Variants in C10orf90 observed in about 807,000 individuals in gnomAD.
The protein encoded by C10orf90 is (E2-independent) E3 ubiquitin-conjugating enzyme FATS.
In C10orf90, 56 loss-of-function variants were observed where a neutral mutation model predicts 62.5. The ratio of observed to expected loss-of-function variants is 0.90; its 90% CI spans 0.72 to 1.12. The LOEUF (loss-of-function observed/expected upper bound fraction) is 1.12. Ranked by LOEUF, C10orf90 falls within the 50% of genes most tolerant of loss-of-function variation. C10orf90 has a pLI of 0.00. For synonymous variants in C10orf90, 386 were observed against 340.4 expected (o/e 1.13, Z -1.47); for missense variants, 970 against 880.4 (o/e 1.10, Z -1.29).
intron 7 of C10orf90, among the ~76,000 whole-genome samples, chr10:126,433,662 A>G (rs1425935291): frequency 6.6e-6 from 1 of 152,156 alleles, no homozygotes; most frequent in Non-Finnish European, 1.5e-5. Context: ...CATGACCCAC[A>G]GGGATTTCAC....
In C10orf90 at chr10:126,510,630, T is replaced by C. The variant is rs1466208610; in HGVS notation, c.405+3218A>G. Among the ~76,000 whole-genome samples, 5 of 152,194 alleles carry C rather than the reference T, an allele frequency of 3.3e-5. No homozygotes were observed. In the East Asian group the frequency reaches 9.7e-4, roughly 29 times the overall value. ...GTCTTGCTTTGGTGAACCATCCATTTCCTGACCAGCACCACATAACACATT... is the reference window on the plus strand; with the variant it reads ...GTCTTGCTTTGGTGAACCATCCATTCCCTGACCAGCACCACATAACACATT... On this transcript the variant is annotated intron_variant, in intron 3 of 9. Coordinates refer to ENST00000488181, the MANE Select transcript of C10orf90 (RefSeq NM_001350921.2).
At chr10:126,540,539 G>A (rs566692955) in intron 2 of C10orf90, among the ~76,000 whole-genome samples, 34 of 152,110 alleles carry the variant, frequency 2.2e-4, no homozygotes, top group Middle Eastern at 3.4e-3. Flanking sequence ...CGTGCCTACC[G>A]TCCCAGCTAC....
chr10:126,568,981 G>A (rs950831589), intron 2 of C10orf90, among the ~76,000 whole-genome samples: 1 of 152,166 alleles, frequency 6.6e-6, no homozygotes, highest in Non-Finnish European at 1.5e-5. Flanking sequence ...GAGGAAGATG[G>A]GCACCAGAGC....
chr10:126,610,826 A>G (rs1845416522), intron 2 of C10orf90, among the ~76,000 whole-genome samples: 1 of 152,174 alleles, frequency 6.6e-6, no homozygotes, highest in South Asian at 2.1e-4. Flanking sequence ...GTTAGCAGAG[A>G]GGAGAGCTCA....
intron 2 of C10orf90, among the ~76,000 whole-genome samples, chr10:126,532,570 G>C (rs966343189): frequency 1.3e-5 from 2 of 151,884 alleles, no homozygotes; most frequent in African/African-American, 4.8e-5. Context: ...GGGCGCGGTG[G>C]CTCACGCCTA....
At chr10:126,601,922 G>A (rs938455876) in intron 2 of C10orf90, among the ~76,000 whole-genome samples, 1 of 152,204 alleles carries the variant, frequency 6.6e-6, no homozygotes, top group Non-Finnish European at 1.5e-5. Context: ...CCTCGCTCTC[G>A]TTTATAGCTA....
chr10:126,564,987 A>ATTATATATAATATATAC (rs1844292405), intron 2 of C10orf90, among the ~76,000 whole-genome samples: 1 of 13,614 alleles, frequency 7.3e-5, no homozygotes, highest in African/African-American at 2.4e-4. Flanking sequence ...ATAAAATATA[A>ATTATATATAATATATAC]AATATATATT....
intron 5 of C10orf90, 75 bp from the exon 6 acceptor site, chr10:126,461,660 A>C: frequency 7.1e-7 from 1 of 1,402,208 alleles, no homozygotes; most frequent in Non-Finnish European, 9.7e-7. Context: ...ACCATTAGAC[A>C]CAGAAGACAA....
chr10:126,606,875 A>C (rs1591138578), intron 2 of C10orf90, among the ~76,000 whole-genome samples: 1 of 152,334 alleles, frequency 6.6e-6, no homozygotes, highest in South Asian at 2.1e-4. Flanking sequence ...GATGATCCTC[A>C]TGACATCAGA....
chr10:126,656,193 T>C (rs1439086025), intron 1 of C10orf90, among the ~76,000 whole-genome samples: 1 of 152,166 alleles, frequency 6.6e-6, no homozygotes, highest in Non-Finnish European at 1.5e-5. Flanking sequence ...GTAATCTCCA[T>C]GGCAACTCCC....
intron 2 of C10orf90, among the ~76,000 whole-genome samples, chr10:126,584,729 T>G (rs1044680236): frequency 6.6e-6 from 1 of 152,120 alleles, no homozygotes; most frequent in Non-Finnish European, 1.5e-5. Flanking sequence ...TTCTGGAACT[T>G]GGAGGTTGGG....
intron 2 of C10orf90, among the ~76,000 whole-genome samples, chr10:126,545,466 A>AG (rs1205097037): frequency 6.6e-6 from 1 of 151,022 alleles, no homozygotes; most frequent in Non-Finnish European, 1.5e-5. Flanking sequence ...CACTGATTTA[A>AG]AAAAAAAACC....
chr10:126,630,277 C>T (rs1477277415), intron 2 of C10orf90, among the ~76,000 whole-genome samples: 1 of 152,162 alleles, frequency 6.6e-6, no homozygotes, highest in Non-Finnish European at 1.5e-5. Flanking sequence ...CCTGTCTGGA[C>T]CCCCACTCTG....
intron 2 of C10orf90, among the ~76,000 whole-genome samples, chr10:126,609,950 G>A (rs911239968): frequency 5.9e-5 from 9 of 152,264 alleles, no homozygotes; most frequent in South Asian, 4.1e-4. Flanking sequence ...TATTAAGGCC[G>A]CTCACATTGG....
At position 126,576,719 on chromosome 10, in the gene C10orf90, G is replaced by GATATACATATATATGTATATGTAT. The variant is rs1326336720; in HGVS notation, c.314-62804_314-62781dup. ...TATATGTATATGTATATATATACAA[G>GATATACATATATATGTATATGTAT]ATATACATATATATGTATATGTATA... On this transcript the variant is annotated intron_variant, in intron 2 of 9. Coordinates refer to ENST00000488181, the MANE Select transcript of C10orf90 (RefSeq NM_001350921.2). Among the ~76,000 whole-genome samples, 126 of 39,888 alleles carry GATATACATATATATGTATATGTAT rather than the reference G, an allele frequency of 3.2e-3. 12 individuals carry two copies. The highest frequency in any genetic ancestry group is 0.012 in the African/African-American group (106 of 8,506). The allele number at this position is 39,888 out of a possible 152,430, so 26.2% of individuals were successfully genotyped here. A position where few individuals can be genotyped will look rare whatever the true frequency, so the allele number is the denominator to read the frequency against.
At chr10:126,457,284 C>T (rs1025944962) in intron 7 of C10orf90, among the ~76,000 whole-genome samples, 5 of 152,226 alleles carry the variant, frequency 3.3e-5, no homozygotes, top group Non-Finnish European at 5.9e-5. Context: ...CCACTGGGCC[C>T]TGCCAGTTCC....
chr10:126,444,602 C>T (rs879619586), intron 7 of C10orf90, among the ~76,000 whole-genome samples: 1 of 152,028 alleles, frequency 6.6e-6, no homozygotes, highest in Non-Finnish European at 1.5e-5. Flanking sequence ...CTGCCAAAAG[C>T]AATCTACAAA....
intron 1 of C10orf90, among the ~76,000 whole-genome samples, chr10:126,658,758 A>G (rs1019816656): frequency 6.6e-6 from 1 of 151,882 alleles, no homozygotes; most frequent in African/African-American, 2.4e-5. Context: ...ATTTTCATGG[A>G]TTGATTGATT....
intron 2 of C10orf90, among the ~76,000 whole-genome samples, chr10:126,537,519 G>A (rs368331840): frequency 1.3e-5 from 2 of 152,132 alleles, no homozygotes; most frequent in Non-Finnish European, 2.9e-5. Flanking sequence ...TCTCTTTCCC[G>A]CTTGGGCCTT....
Sources: gnomAD v4.1 joint callset for allele counts (sites outside exome capture counted in the v4.1 genomes callset) on GRCh38, gnomAD v4.1.1 for gene constraint, MANE v1.5 for transcripts, NCBI Gene and HGNC (gene_info 2026-07-23, HGNC 2026-07-21) for gene names.